Variants in PLPPR1 observed in about 807,000 individuals in gnomAD.
PLPPR1 encodes the protein phospholipid phosphatase-related protein type 1.
In PLPPR1, 10 loss-of-function variants were observed where a neutral mutation model predicts 33.1. That is an observed-to-expected ratio of 0.30 (90% CI 0.19 to 0.51). The LOEUF is 0.51. PLPPR1 is among the 20% of genes least tolerant of loss of function. PLPPR1 has a pLI of 0.97. For synonymous variants in PLPPR1, 151 were observed against 151.0 expected, an observed-to-expected ratio of 1.00 and a Z score of 0.00; for missense variants, 304 against 408.1, an observed-to-expected ratio of 0.74 and a Z score of 2.20.
intron 1 of PLPPR1, among the ~76,000 whole-genome samples, chr9:101,104,520 C>G (rs1428762473): frequency 7.7e-6 from 1 of 129,140 alleles, no homozygotes; most frequent in East Asian, 3.1e-4. Flanking sequence ...GGTGGATAAG[C>G]TTTTTGATGT....
At position 101,324,615 on chromosome 9, in the gene PLPPR1, G is replaced by A. The variant is rs1829220135; in HGVS notation, c.*558G>A. 6.6e-6 allele frequency: 1 copy of A among 152,330 alleles called. No homozygotes were observed. Among genetic ancestry groups the A allele is most frequent in the African/African-American group, 2.4e-5 (1 of 41,446 alleles). 9.4% of individuals were successfully genotyped at this position (152,330 alleles called of 1,614,324 possible). On this transcript the variant is annotated 3_prime_UTR_variant, in exon 8 of 8. Transcript: ENST00000374874. ...AAGTTTAAAGTGATATATTAACAAAGTCACCTAGTTATACAAACAATTGTC... is the reference window on the plus strand; with the variant it reads ...AAGTTTAAAGTGATATATTAACAAAATCACCTAGTTATACAAACAATTGTC...
At chr9:101,232,555 T>TCATA (rs1827212812) in intron 2 of PLPPR1, among the ~76,000 whole-genome samples, 1 of 151,562 alleles carries the variant, frequency 6.6e-6, no homozygotes, top group South Asian at 2.1e-4. Context: ...TTGTCCAAGG[T>TCATA]CATAGGTCTA....
chr9:101,226,961 A>C (rs564356727), intron 2 of PLPPR1, among the ~76,000 whole-genome samples: 17 of 152,228 alleles, frequency 1.1e-4, no homozygotes, highest in Non-Finnish European at 2.5e-4. Context: ...GCGGAACCTG[A>C]AAGGTGATGA....
chr9:101,314,949 G>A (rs1829026113), intron 6 of PLPPR1, among the ~76,000 whole-genome samples: 1 of 151,548 alleles, frequency 6.6e-6, no homozygotes. Context: ...GAACTTTCCT[G>A]AGGAACGCCT....
intron 2 of PLPPR1, among the ~76,000 whole-genome samples, chr9:101,241,287 T>A (rs1224397140): frequency 6.6e-6 from 1 of 152,018 alleles, no homozygotes; most frequent in Non-Finnish European, 1.5e-5. Context: ...AGATTGCTCA[T>A]TCAAGGAGTC....
At chr9:101,209,083 G>A (rs1826638876) in intron 2 of PLPPR1, among the ~76,000 whole-genome samples, 1 of 152,148 alleles carries the variant, frequency 6.6e-6, no homozygotes, top group East Asian at 1.9e-4. Context: ...CATTACCTGG[G>A]AACTTTTTAG....
intron 1 of PLPPR1, among the ~76,000 whole-genome samples, chr9:101,131,114 A>C (rs1396772812): frequency 6.6e-6 from 1 of 152,204 alleles, no homozygotes; most frequent in Non-Finnish European, 1.5e-5. Context: ...GGCCAATTGC[A>C]TAGTTAATAA....
At chr9:101,138,082 C>T (rs1389083911) in intron 1 of PLPPR1, among the ~76,000 whole-genome samples, 1 of 152,196 alleles carries the variant, frequency 6.6e-6, no homozygotes, top group African/African-American at 2.4e-5. Context: ...AAGTTATGCA[C>T]ATCCAGTCAT....
intron 1 of PLPPR1, among the ~76,000 whole-genome samples, chr9:101,142,284 C>T (rs56167667): frequency 0.043 from 6,591 of 152,266 alleles, 227 homozygotes; most frequent in Non-Finnish European, 0.062. Context: ...TTCTGCCTCT[C>T]TCTGGTCATA....
intron 2 of PLPPR1, among the ~76,000 whole-genome samples, chr9:101,220,177 G>A (rs1412473114): frequency 2.0e-5 from 3 of 152,144 alleles, no homozygotes; most frequent in African/African-American, 7.2e-5. Flanking sequence ...AACCCAAAAT[G>A]TCTCCAGACT....
intron 1 of PLPPR1, among the ~76,000 whole-genome samples, chr9:101,111,818 G>A (rs1272360066): frequency 3.9e-5 from 6 of 152,070 alleles, no homozygotes; most frequent in Admixed American, 6.6e-5. Context: ...GAATCATATC[G>A]TTTTAAGGTA....
chr9:101,044,711 A>C (rs75489552), intron 1 of PLPPR1, among the ~76,000 whole-genome samples: 234 of 152,274 alleles, frequency 1.5e-3, no homozygotes, highest in African/African-American at 5.5e-3. Context: ...TTGAAAACCA[A>C]AGCATATAGT....
At chr9:101,141,032 T>G (rs1199702944) in intron 1 of PLPPR1, among the ~76,000 whole-genome samples, 1 of 152,124 alleles carries the variant, frequency 6.6e-6, no homozygotes, top group East Asian at 1.9e-4. Flanking sequence ...TATGGAAGTT[T>G]CTGTTTGGAA....
intron 1 of PLPPR1, among the ~76,000 whole-genome samples, chr9:101,111,240 A>T (rs1192283970): frequency 6.6e-6 from 1 of 152,156 alleles, no homozygotes; most frequent in Non-Finnish European, 1.5e-5. Flanking sequence ...TAAAAAGAAA[A>T]TAAGCAATTC....
intron 1 of PLPPR1, among the ~76,000 whole-genome samples, chr9:101,152,963 G>A (rs1181772837): frequency 6.6e-6 from 1 of 152,142 alleles, no homozygotes; most frequent in Non-Finnish European, 1.5e-5. Context: ...GATGGGGATG[G>A]CATTGAATCT....
chr9:101,182,606 T>G (rs1017806126), intron 1 of PLPPR1, among the ~76,000 whole-genome samples: 1 of 151,782 alleles, frequency 6.6e-6, no homozygotes, highest in Non-Finnish European at 1.5e-5. Flanking sequence ...CATAATACTG[T>G]GAAGGTACTC....
At chr9:101,308,674 A>T (rs1259304430) in intron 4 of PLPPR1, among the ~76,000 whole-genome samples, 1 of 152,156 alleles carries the variant, frequency 6.6e-6, no homozygotes, top group Non-Finnish European at 1.5e-5. Context: ...ATTCCATAAG[A>T]TCCTCCTTTA....
rs1008026332 is a variant in PLPPR1 at position 101,181,130 on chromosome 9, T to TTATATATCTAATATATATTAGATATGTAA, written c.-45-4301_-45-4273dup. ...GGCCAACAGATATATATTAGATATATTATATATCTAATATATATTAGATAT... is the reference window on the plus strand; with the variant it reads ...GGCCAACAGATATATATTAGATATATTATATATCTAATATATATTAGATATGTAATATATATCTAATATATATTAGATAT... On this transcript the variant is annotated intron_variant, in intron 1 of 7. Coordinates refer to ENST00000374874, the MANE Select transcript of PLPPR1 (RefSeq NM_207299.2). Among the ~76,000 whole-genome samples the TTATATATCTAATATATATTAGATATGTAA allele has an allele frequency of 1.0e-3, 148 of 147,654 alleles. 4 individuals carry two copies. In the East Asian group the frequency reaches 0.017, roughly 17 times the overall value.
intron 3 of PLPPR1, among the ~76,000 whole-genome samples, chr9:101,270,634 T>G (rs1828079560): frequency 6.6e-6 from 1 of 152,212 alleles, no homozygotes; most frequent in African/African-American, 2.4e-5. Flanking sequence ...CTTCATATAT[T>G]TCATTTTCCC....
Sources: gnomAD v4.1 joint callset for allele counts (sites outside exome capture counted in the v4.1 genomes callset) on GRCh38, gnomAD v4.1.1 for gene constraint, MANE v1.5 for transcripts, NCBI Gene and HGNC (gene_info 2026-07-23, HGNC 2026-07-21) for gene names.